Variants in TMEM63A observed in about 807,000 individuals in gnomAD.
TMEM63A encodes the protein mechanosensitive cation channel TMEM63A.
TMEM63A carries 76 observed loss-of-function variants against 100.6 expected under a neutral mutation model. The observed-to-expected ratio is 0.76, with a 90% CI of 0.63 to 0.91. The LOEUF (loss-of-function observed/expected upper bound fraction) is 0.91. Ranked by LOEUF, TMEM63A falls within the 40% of genes least tolerant of loss-of-function variation. The pLI is 0.00. For missense variants in TMEM63A, 876 were observed against 1,008.8 expected, an observed-to-expected ratio of 0.87 and a Z score of 1.78; for synonymous variants, 401 against 401.1, an observed-to-expected ratio of 1.00 and a Z score of 0.00.
Position 225,856,742 on chromosome 1 carries a change from C to G in TMEM63A, c.1485-4G>C. ...CATGATCTGGTTTTCCCCCGACCTG[C>G]AGGAAGTCAAAGGTGAGCACTCGCA... On this transcript the variant is annotated splice_polypyrimidine_tract_variant and splice_region_variant and intron_variant, in intron 16 of 24. Coordinates refer to ENST00000366835, the MANE Select transcript of TMEM63A (RefSeq NM_014698.3). The G allele has an allele frequency of 6.2e-7, 1 of 1,612,962 alleles. No homozygotes were observed. The highest frequency in any genetic ancestry group is 1.3e-5 in the African/African-American group (1 of 74,984).
Position 225,853,546 on chromosome 1 carries a change from A to C in TMEM63A, c.1797+83T>G. 1.0e-5 allele frequency: 13 copies of C among 1,296,982 alleles called. No homozygotes were observed. Among genetic ancestry groups the C allele is most frequent in the Non-Finnish European group, 1.3e-5 (13 of 965,808 alleles). The allele number at this position is 1,296,982 out of a possible 1,614,324, so 80.3% of individuals were successfully genotyped here. ...GTAAATGCTACCCACTAGTGGGGGT[A>C]GTGGGGGTGAGAGGCCCTCGGGTCA... On this transcript the variant is annotated intron_variant, in intron 19 of 24. Coordinates refer to ENST00000366835, the MANE Select transcript of TMEM63A (RefSeq NM_014698.3). This position sits in a 1 kb window ranked among gnomAD's most constrained non-coding sequence, Gnocchi z 4.0.
intron 4 of TMEM63A, among the ~76,000 whole-genome samples, chr1:225,872,689 CTTTTTTTTTT>C (rs67884791): frequency 1.1e-5 from 1 of 87,060 alleles, no homozygotes; most frequent in African/African-American, 4.4e-5. Flanking sequence ...TGCTTTTCTT[CTTTTTTTTTT>C]TTTTTTTTTT....
At chr1:225,866,281 C>A in intron 9 of TMEM63A, 1 of 513,556 alleles carries the variant, frequency 1.9e-6, no homozygotes, top group Non-Finnish European at 3.5e-6. Context: ...TGGAACCAAG[C>A]CACAGAAGCT....
chr1:225,848,712 A>T (rs1669159387), intron 22 of TMEM63A, among the ~76,000 whole-genome samples, 158 bp from the exon 23 acceptor site: 1 of 152,092 alleles, frequency 6.6e-6, no homozygotes, highest in Non-Finnish European at 1.5e-5. Flanking sequence ...GAGTGCAGGG[A>T]TGAGGGGAGG....
In TMEM63A at chr1:225,860,844, T is replaced by C. The variant is rs1370547212; in HGVS notation, c.1223+16A>G. ...CCCAGGCCTCTCTCCCACCTCTCCT[T>C]GGTCTAGGAGCTTACCAGCAGATGT... On this transcript the variant is annotated intron_variant, in intron 14 of 24. Transcript: ENST00000366835. The C allele has an allele frequency of 1.3e-6, 2 of 1,585,202 alleles. No homozygotes were observed. The highest frequency in any genetic ancestry group is 1.8e-5 in the Admixed American group (1 of 56,126).
chr1:225,842,923 T>TGCCTGACTCCCAGCTCTGTG (rs1303108056), downstream of TMEM63A, among the ~76,000 whole-genome samples: 1 of 152,362 alleles, frequency 6.6e-6, no homozygotes, highest in East Asian at 1.9e-4. Context: ...ATCCTCTACA[T>TGCCTGACTCCCAGCTCTGTG]GCCTGACTCC....
chr1:225,842,281 C>T (rs1216049065), downstream of TMEM63A: 4 of 1,031,532 alleles, frequency 3.9e-6, no homozygotes, highest in African/African-American at 1.6e-5. Context: ...CCGCCCTCTG[C>T]GGCCAGTGCC....
intron 2 of TMEM63A, among the ~76,000 whole-genome samples, 185 bp downstream of exon 2, chr1:225,879,035 G>C (rs1352907361): frequency 6.6e-6 from 1 of 152,294 alleles, no homozygotes; most frequent in South Asian, 2.1e-4. Flanking sequence ...TGGAGGTAGT[G>C]GGGGTTGTGA....
At chr1:225,849,162 C>T in intron 21 of TMEM63A, 150 bp from the exon 22 acceptor site, 1 of 623,048 alleles carries the variant, frequency 1.6e-6, no homozygotes, top group Non-Finnish European at 2.9e-6. Flanking sequence ...ACCCCCCACC[C>T]CCACCCCTCA....
chr1:225,862,319 C>A lies in TMEM63A; in HGVS notation c.984G>T (p.Lys328Asn), dbSNP rs748371880. The change falls in exon 13 of 25, where the codon AAG becomes AAT. Residue 328 changes from lysine (K) to asparagine (N), a missense_variant. Lys to Asn is a moderately conservative substitution (Grantham distance 94). Transcript: ENST00000366835. This position sits in a 1 kb window ranked among gnomAD's most constrained non-coding sequence, Gnocchi z 5.1. ...CTGTGATCCTCTCCAGCAGCCTGTC[C>A]TTCATCCGTGTGTAGTAAGAGATGG... ...EDAISYYTRM[K>N]DRLLERITEE... is the part of the protein sequence containing the mutation. The A allele has an allele frequency of 3.6e-5, 58 of 1,614,076 alleles. No individual in the cohort carries two copies. The highest frequency in any genetic ancestry group is 4.7e-5 in the Non-Finnish European group (56 of 1,180,042).
At chr1:225,844,732 C>T, downstream of TMEM63A, 1 of 1,523,938 alleles carries the variant, frequency 6.6e-7, no homozygotes, top group Non-Finnish European at 8.8e-7. Context: ...ATAGCCTTGC[C>T]TGCAGGTGCC....
intron 22 of TMEM63A, 65 bp downstream of exon 22, chr1:225,848,832 G>T: frequency 7.6e-7 from 1 of 1,321,156 alleles, no homozygotes; most frequent in Non-Finnish European, 1.1e-6. Flanking sequence ...GGGGTTGACA[G>T]CGAGCCCGTC....
chr1:225,862,253 G>C lies in TMEM63A; in HGVS notation c.1050C>G (p.Ala350=). 6.2e-7 allele frequency: 1 copy of C among 1,614,164 alleles called. No individual in the cohort carries two copies. Among genetic ancestry groups the C allele is most frequent in the Non-Finnish European group, 8.5e-7 (1 of 1,180,028 alleles). ...TGGACTTCTCCTGGAAGGTGACGAA[G>C]GCCATTCCCAGGGGCTGGTCCTGGA... ...RHVQDQPLGM[A]FVTFQEKSMA... Residue 350 remains alanine (A), a synonymous_variant, in exon 13 of 25, where the codon GCC becomes GCG. Transcript: ENST00000366835. The surrounding 1 kb of genome is among the most constrained non-coding windows in gnomAD (Gnocchi z 5.1).
intron 4 of TMEM63A, among the ~76,000 whole-genome samples, chr1:225,872,848 C>A (rs1474479406): frequency 6.6e-6 from 1 of 151,982 alleles, no homozygotes; most frequent in African/African-American, 2.4e-5. Context: ...CACCCGCCAC[C>A]ATGCCTGGCT....
intron 18 of TMEM63A, among the ~76,000 whole-genome samples, chr1:225,854,609 T>C (rs75877960): frequency 0.041 from 6,262 of 152,062 alleles, 202 homozygotes; most frequent in East Asian, 0.15. Flanking sequence ...AGTCGAGAGT[T>C]TGGTTTTGGG....
Position 225,860,972 on chromosome 1 carries a change from T to C in TMEM63A, c.1111A>G (p.Lys371Glu). The C allele has an allele frequency of 6.2e-7, 1 of 1,611,890 alleles. No individual in the cohort carries two copies. Among genetic ancestry groups the C allele is most frequent in the South Asian group, 1.1e-5 (1 of 90,706 alleles). ...CCTTTGCACTGAAGGCTCTGACACTTGCAGGCATTGAAATCTTTCAGGATG... is the reference window on the plus strand; with the variant it reads ...CCTTTGCACTGAAGGCTCTGACACTCGCAGGCATTGAAATCTTTCAGGATG... Reference protein sequence around the residue: ...TYILKDFNACKCQSLQCKGEP... With the variant: ...TYILKDFNACECQSLQCKGEP... The change falls in exon 14 of 25, where the codon AAG becomes GAG. Residue 371 changes from lysine (K) to glutamate (E), a missense_variant. This residue lies in a region of TMEM63A where 487 missense variants were observed against 581.9 expected (regional missense o/e 0.84). Transcript: ENST00000366835.
At chr1:225,844,317 G>A (rs56301120), downstream of TMEM63A, among the ~76,000 whole-genome samples, 15,553 of 152,106 alleles carry the variant, frequency 0.1, 839 homozygotes, top group East Asian at 0.15. Flanking sequence ...AAATCCATGC[G>A]CTCCAGTCTA....
intron 1 of TMEM63A, among the ~76,000 whole-genome samples, chr1:225,880,745 T>C (rs904223835): frequency 6.6e-6 from 1 of 152,194 alleles, no homozygotes; most frequent in Non-Finnish European, 1.5e-5. Flanking sequence ...AGCGTCTGAT[T>C]GTGGCCAGTG....
intron 10 of TMEM63A, among the ~76,000 whole-genome samples, chr1:225,863,628 C>G (rs1262087446): frequency 6.6e-6 from 1 of 152,024 alleles, no homozygotes; most frequent in Non-Finnish European, 1.5e-5. Context: ...ATATTAACAA[C>G]CAGCAAGGCC....
Sources: gnomAD v4.1 joint callset for allele counts (sites outside exome capture counted in the v4.1 genomes callset) on GRCh38, gnomAD v4.1.1 for gene constraint, gnomAD v4.1.1 regional missense constraint, Gnocchi (gnomAD v3.1) non-coding constraint, MANE v1.5 for transcripts, NCBI Gene and HGNC (gene_info 2026-07-23, HGNC 2026-07-21) for gene names.